The following ZNF474 variants were observed in gnomAD, a reference collection of about 807,000 sequenced individuals.
ZNF474 encodes zinc finger protein 474, also known as 4933409D10Rik.
For missense variants in ZNF474, 511 were observed against 433.8 expected, an observed-to-expected ratio of 1.18 and a Z score of -1.58; for synonymous variants, 192 against 162.2, an observed-to-expected ratio of 1.18 and a Z score of -1.39.
At chr5:122,145,464 C>T (rs552568276) in intron 1 of ZNF474, among the ~76,000 whole-genome samples, 1 of 152,294 alleles carries the variant, frequency 6.6e-6, no homozygotes, top group African/African-American at 2.4e-5. Context: ...CTGCCCTCAA[C>T]ACTCCTGGTC....
chr5:122,132,034 C>G (rs1214286298), intron 1 of ZNF474, among the ~76,000 whole-genome samples: 4 of 152,084 alleles, frequency 2.6e-5, no homozygotes, highest in Admixed American at 6.5e-5. Context: ...AACTGATATA[C>G]TTTCTGTCAC....
chr5:122,152,290 T>G lies in ZNF474; in HGVS notation c.300T>G (p.Cys100Trp). Residue 100 changes from cysteine (C) to tryptophan (W), a missense_variant, in exon 2 of 2, where the codon TGT becomes TGG. By Grantham distance (215) the Cys-to-Trp change is radical (BLOSUM62 -2). Transcript: ENST00000296600. Reference sequence around the variant, plus strand: ...CTGGATTCCGGGTATGCTATATCTGTGGCCGAGAATTTGGGTCCCAGTCAA... The same window carrying G: ...CTGGATTCCGGGTATGCTATATCTGGGGCCGAGAATTTGGGTCCCAGTCAA... Reference protein sequence around the residue: ...RRPGFRVCYICGREFGSQSIA... With the variant: ...RRPGFRVCYIWGREFGSQSIA... The G allele has an allele frequency of 6.2e-7, 1 of 1,614,204 alleles. No individual in the cohort carries two copies. Among genetic ancestry groups the G allele is most frequent in the Non-Finnish European group, 8.5e-7 (1 of 1,180,036 alleles).
In ZNF474 at chr5:122,129,946, G is replaced by A. The variant is rs569353575; in HGVS notation, c.-213+263G>A. 2.7e-4 allele frequency among the ~76,000 whole-genome samples: 41 copies of A among 152,148 alleles called. No homozygotes were observed. The Middle Eastern group carries it at 0.01, about 38-fold the overall frequency. On this transcript the variant is annotated intron_variant, in intron 1 of 1. Transcript: ENST00000296600. ...CAATAAATGTCATTTTACTTCTTTG[G>A]ATGCTGACAATGATGAGTGAACTAT...
chr5:122,147,790 T>C (rs893465523), intron 1 of ZNF474: 7 of 152,212 alleles, frequency 4.6e-5, no homozygotes, highest in Non-Finnish European at 7.3e-5. Flanking sequence ...AGAGACACCT[T>C]CTAATGCCAA....
At chr5:122,134,602 A>T (rs1755655239) in intron 1 of ZNF474, among the ~76,000 whole-genome samples, 1 of 152,244 alleles carries the variant, frequency 6.6e-6, no homozygotes, top group Non-Finnish European at 1.5e-5. Context: ...AATTTTATTT[A>T]CAAAAGAGCT....
At chr5:122,137,234 A>T (rs1401968131) in intron 1 of ZNF474, among the ~76,000 whole-genome samples, 2 of 151,912 alleles carry the variant, frequency 1.3e-5, no homozygotes, top group African/African-American at 4.8e-5. Context: ...AGTAGTCAAG[A>T]GTTCAAGGCC....
intron 1 of ZNF474, among the ~76,000 whole-genome samples, chr5:122,147,159 T>C (rs1756013480): frequency 6.6e-6 from 1 of 152,294 alleles, no homozygotes; most frequent in African/African-American, 2.4e-5. Context: ...CTGGTGAGCA[T>C]ACAAGAATAC....
intron 1 of ZNF474, among the ~76,000 whole-genome samples, chr5:122,137,038 A>G (rs1033814210): frequency 2.0e-5 from 3 of 152,184 alleles, no homozygotes; most frequent in South Asian, 2.1e-4. Context: ...AGACAAAAAC[A>G]TAGGTGCTGA....
chr5:122,149,222 C>T (rs1756095718), intron 1 of ZNF474, among the ~76,000 whole-genome samples: 2 of 152,150 alleles, frequency 1.3e-5, no homozygotes, highest in Admixed American at 6.5e-5. Context: ...TTCATGTGTA[C>T]TCCAAACCTC....
rs75311173 is a variant in ZNF474 at position 122,144,683 on chromosome 5, G to A, written c.-212-7096G>A. Among the ~76,000 whole-genome samples the A allele has an allele frequency of 7.6e-3, 1,160 of 152,310 alleles. 16 individuals are homozygous for A. Among genetic ancestry groups the A allele is most frequent in the African/African-American group, 0.026 (1,085 of 41,570 alleles). On this transcript the variant is annotated intron_variant, in intron 1 of 1. Transcript: ENST00000296600. ...TTGGTATAGAGCTATCCTGTTGGAA[G>A]AAAATTATCCTAAATGAGAGAAAAT...
intron 1 of ZNF474, among the ~76,000 whole-genome samples, chr5:122,144,103 A>C (rs947302607): frequency 2.0e-5 from 3 of 151,982 alleles, no homozygotes. Flanking sequence ...TTCTTAAGTC[A>C]CCGATTCTGT....
chr5:122,132,985 A>G lies in ZNF474; in HGVS notation c.-213+3302A>G, dbSNP rs1011760828. Reference sequence around the variant, plus strand: ...TAGTGAACCATACGCAAGAATTAGAATCAGGTTGGGCAGTCCTCCTTGCAT... The same window carrying G: ...TAGTGAACCATACGCAAGAATTAGAGTCAGGTTGGGCAGTCCTCCTTGCAT... On this transcript the variant is annotated intron_variant, in intron 1 of 1. Transcript: ENST00000296600. Among the ~76,000 whole-genome samples the G allele has an allele frequency of 7.2e-5, 11 of 152,334 alleles. No homozygotes were observed. In the South Asian group the frequency reaches 1.0e-3, roughly 14 times the overall value.
At chr5:122,148,300 C>A (rs1252368299) in intron 1 of ZNF474, among the ~76,000 whole-genome samples, 3 of 152,104 alleles carry the variant, frequency 2.0e-5, no homozygotes, top group Non-Finnish European at 4.4e-5. Context: ...TATTTTGATA[C>A]CTTTAGTCAC....
intron 1 of ZNF474, among the ~76,000 whole-genome samples, chr5:122,146,964 T>C (rs1286420668): frequency 6.6e-6 from 1 of 152,256 alleles, no homozygotes; most frequent in African/African-American, 2.4e-5. Flanking sequence ...CAAAGGAGCT[T>C]GTAGATGTGC....
chr5:122,151,921 C>T lies in ZNF474; in HGVS notation c.-70C>T. On this transcript the variant is annotated 5_prime_UTR_variant, in exon 2 of 2. Coordinates refer to ENST00000296600, the MANE Select transcript of ZNF474 (RefSeq NM_207317.3). ...GGACAACTAACCTCACTAACCTTCA[C>T]TCTAAGCAGAAGCCCAAAGTGAGTC... 2.6e-6 allele frequency: 4 copies of T among 1,536,278 alleles called. No homozygotes were observed. The highest frequency in any genetic ancestry group is 3.5e-6 in the Non-Finnish European group (4 of 1,153,494).
chr5:122,149,251 C>T (rs189796853), intron 1 of ZNF474, among the ~76,000 whole-genome samples: 4 of 152,206 alleles, frequency 2.6e-5, no homozygotes, highest in Admixed American at 2.6e-4. Flanking sequence ...ACAATATGCC[C>T]ATATACCAAA....
chr5:122,143,285 G>C (rs1270791548), intron 1 of ZNF474, among the ~76,000 whole-genome samples: 1 of 152,116 alleles, frequency 6.6e-6, no homozygotes, highest in East Asian at 1.9e-4. Context: ...TGGACACACA[G>C]AAGTGACCAC....
chr5:122,137,781 G>T (rs1447534004), intron 1 of ZNF474, among the ~76,000 whole-genome samples: 1 of 152,176 alleles, frequency 6.6e-6, no homozygotes, highest in Non-Finnish European at 1.5e-5. Context: ...ATTTTATTTT[G>T]AGAGTAGTGG....
At chr5:122,136,558 C>T (rs561331130) in intron 1 of ZNF474, among the ~76,000 whole-genome samples, 2 of 152,250 alleles carry the variant, frequency 1.3e-5, no homozygotes, top group East Asian at 3.9e-4. Context: ...TTGCTCACTA[C>T]TTGATAATCT....
Sources: gnomAD v4.1 joint callset for allele counts (sites outside exome capture counted in the v4.1 genomes callset) on GRCh38, gnomAD v4.1.1 for gene constraint, MANE v1.5 for transcripts, NCBI Gene and HGNC (gene_info 2026-07-23, HGNC 2026-07-21) for gene names.